Variants in CMIP observed in about 807,000 individuals in gnomAD.
CMIP encodes the protein c-Maf inducing protein, also known as C-Maf-inducing protein.
In CMIP, 13 loss-of-function variants were observed where a neutral mutation model predicts 97.3. That is an observed-to-expected ratio of 0.13 (90% CI 0.09 to 0.21). The LOEUF is 0.21. Ranked by LOEUF, CMIP falls within the 10% of genes least tolerant of loss-of-function variation. The pLI is 1.00. For missense variants in CMIP, 847 were observed against 1,024.9 expected, an observed-to-expected ratio of 0.83 and a Z score of 2.37; for synonymous variants, 538 against 436.3, an observed-to-expected ratio of 1.23 and a Z score of -2.91.
chr16:81,564,146 T>C (rs543408381), intron 1 of CMIP, among the ~76,000 whole-genome samples: 16 of 152,100 alleles, frequency 1.1e-4, no homozygotes, highest in Non-Finnish European at 2.1e-4. Flanking sequence ...GAGCCCAGAT[T>C]TTAGTTGGTC....
At chr16:81,666,446 C>T (rs1008196267) in intron 7 of CMIP, 9 of 152,150 alleles carry the variant, frequency 5.9e-5, no homozygotes, top group South Asian at 2.1e-4. Flanking sequence ...GACAGGCTCT[C>T]GGGGCTTCAC....
At chr16:81,645,061 C>G (rs1194796155) in intron 3 of CMIP, among the ~76,000 whole-genome samples, 1 of 152,256 alleles carries the variant, frequency 6.6e-6, no homozygotes, top group East Asian at 1.9e-4. Context: ...ACTATAGTCA[C>G]CACTAGACAC....
intron 10 of CMIP, among the ~76,000 whole-genome samples, chr16:81,680,239 G>C (rs139073961): frequency 6.6e-6 from 1 of 152,220 alleles, no homozygotes; most frequent in African/African-American, 2.4e-5. Flanking sequence ...GTCACGCGCT[G>C]GGCAGCGTTT....
At chr16:81,462,202 A>G (rs1218716760) in intron 1 of CMIP, among the ~76,000 whole-genome samples, 6 of 152,206 alleles carry the variant, frequency 3.9e-5, no homozygotes, top group Non-Finnish European at 8.8e-5. Flanking sequence ...ACAGTCACCA[A>G]AAATCAAAAT....
intron 1 of CMIP, among the ~76,000 whole-genome samples, chr16:81,564,312 G>A (rs537721587): frequency 6.6e-6 from 1 of 152,330 alleles, no homozygotes; most frequent in South Asian, 2.1e-4. Flanking sequence ...TTTCTTGGAG[G>A]AGTCTCCGAT....
At chr16:81,704,381 T>C (rs1036899465) in intron 18 of CMIP, among the ~76,000 whole-genome samples, 9 of 1,238 alleles carry the variant, frequency 7.3e-3, no homozygotes, top group South Asian at 0.045. Flanking sequence ...TCCCTGCCCC[T>C]TCACCCTCCT....
At chr16:81,683,049 C>T (rs917132752) in intron 10 of CMIP, among the ~76,000 whole-genome samples, 1 of 152,204 alleles carries the variant, frequency 6.6e-6, no homozygotes, top group African/African-American at 2.4e-5. Context: ...CATTTATCCA[C>T]CTGTTGATTC....
intron 1 of CMIP, among the ~76,000 whole-genome samples, chr16:81,590,834 TCCA>T (rs1325614430): frequency 3.1e-5 from 4 of 130,626 alleles, no homozygotes; most frequent in African/African-American, 1.5e-4. Flanking sequence ...CATCCATCCA[TCCA>T]TCCATCCATC....
chr16:81,562,593 GCTTC>G (rs1459937015), intron 1 of CMIP, among the ~76,000 whole-genome samples: 1 of 152,204 alleles, frequency 6.6e-6, no homozygotes, highest in Non-Finnish European at 1.5e-5. Context: ...CCTCTCCTTT[GCTTC>G]CTAGCCACGC....
intron 1 of CMIP, among the ~76,000 whole-genome samples, chr16:81,523,209 C>T (rs528351444): frequency 1.6e-4 from 24 of 152,316 alleles, no homozygotes; most frequent in African/African-American, 4.6e-4. Flanking sequence ...TGTGAGCTAC[C>T]GCGCTTTGCT....
intron 3 of CMIP, among the ~76,000 whole-genome samples, chr16:81,623,545 A>G (rs571815023): frequency 2.0e-5 from 3 of 152,168 alleles, no homozygotes; most frequent in Admixed American, 1.3e-4. Context: ...ATTGCCCCCC[A>G]ATAATTTAGG....
chr16:81,496,928 C>T (rs913785239), intron 1 of CMIP, among the ~76,000 whole-genome samples: 1 of 152,282 alleles, frequency 6.6e-6, no homozygotes, highest in Non-Finnish European at 1.5e-5. Flanking sequence ...AGCCTGGCAG[C>T]TGGGCCATTT....
At chr16:81,471,114 T>C (rs1418785510) in intron 1 of CMIP, among the ~76,000 whole-genome samples, 11 of 152,140 alleles carry the variant, frequency 7.2e-5, no homozygotes, top group African/African-American at 1.4e-4. Flanking sequence ...CATGTAGACA[T>C]ACTTGTGCAT....
At chr16:81,605,298 G>T (rs1397076996) in intron 1 of CMIP, among the ~76,000 whole-genome samples, 1 of 152,320 alleles carries the variant, frequency 6.6e-6, no homozygotes, top group Admixed American at 6.5e-5. Context: ...GGGATTGGGG[G>T]CCAGGGGGTC....
chr16:81,446,551 T>G (rs549696102), intron 1 of CMIP, among the ~76,000 whole-genome samples: 1 of 151,930 alleles, frequency 6.6e-6, no homozygotes, highest in African/African-American at 2.4e-5. Context: ...CCCATCCTCA[T>G]TGGGGGTGTA....
intron 1 of CMIP, among the ~76,000 whole-genome samples, chr16:81,446,925 A>G (rs1414503201): frequency 4.9e-5 from 7 of 143,842 alleles, no homozygotes; most frequent in Non-Finnish European, 1.0e-4. Context: ...TAGAGCACCT[A>G]TTTTCTCTTT....
At chr16:81,559,686 C>T (rs191313032) in intron 1 of CMIP, among the ~76,000 whole-genome samples, 39 of 152,286 alleles carry the variant, frequency 2.6e-4, no homozygotes, top group African/African-American at 9.1e-4. Flanking sequence ...AAGCACAGCA[C>T]CTACAGTATG....
intron 1 of CMIP, among the ~76,000 whole-genome samples, chr16:81,513,032 C>T (rs531698109): frequency 9.2e-5 from 14 of 152,308 alleles, no homozygotes; most frequent in African/African-American, 2.4e-4. Context: ...CCACCATGTC[C>T]GGCTTATTTG....
intron 1 of CMIP, among the ~76,000 whole-genome samples, chr16:81,506,321 G>T (rs1301946460): frequency 2.0e-5 from 3 of 152,116 alleles, no homozygotes; most frequent in African/African-American, 4.8e-5. Context: ...AATGAGCAAG[G>T]GCCCCCAGAG....
Sources: allele counts gnomAD v4.1 joint callset (sites outside exome capture counted in the v4.1 genomes callset), GRCh38; gene constraint gnomAD v4.1.1; transcripts MANE v1.5; gene names NCBI Gene and HGNC (gene_info 2026-07-23, HGNC 2026-07-21).